RHBDD2: variants seen among roughly 807,000 people sequenced by gnomAD.
RHBDD2 encodes rhomboid domain-containing protein 2.
In RHBDD2, 13 loss-of-function variants were observed where a neutral mutation model predicts 21.7. The observed-to-expected ratio is 0.60, with a 90% CI of 0.39 to 0.95. RHBDD2 has a LOEUF of 0.95. RHBDD2 is among the 40% of genes least tolerant of loss of function. The pLI is 0.00. For synonymous variants in RHBDD2, 225 were observed against 220.0 expected (o/e 1.02, Z -0.20); for missense variants, 473 against 478.9 (o/e 0.99, Z 0.11).
At position 75,879,226 on chromosome 7, in the gene RHBDD2, C is replaced by T. The variant is rs782019601; in HGVS notation, c.144C>T (p.Leu48=). 19 of 1,522,182 alleles carry T rather than the reference C, an allele frequency of 1.2e-5. No individual in the cohort carries two copies. The East Asian group carries it at 4.9e-4, about 39-fold the overall frequency. 94.3% of individuals were successfully genotyped at this position (1,522,182 alleles called of 1,614,324 possible). The stretch of plus-strand genomic sequence containing the variant: ...AGCAGCCCCTGGCGCCCTCGGGCCT[C>T]ACGCTGAAGTCCGAGGCCCTTCGCA... ...LLQQPLAPSG[L]TLKSEALRNW... The change falls in exon 1 of 4, where the codon CTC becomes CTT. Residue 48 remains leucine, a synonymous_variant. Transcript: ENST00000006777.
At position 75,879,241 on chromosome 7, in the gene RHBDD2, G is replaced by C; in HGVS notation, c.159G>C (p.Glu53Asp). Reference protein sequence around the residue: ...LAPSGLTLKSEALRNWQVYRL... With the variant: ...LAPSGLTLKSDALRNWQVYRL... ...CCTCGGGCCTCACGCTGAAGTCCGA[G>C]GCCCTTCGCAACTGGCAAGGTGAGC... is the stretch of plus-strand genomic sequence containing the variant. The change falls in exon 1 of 4, where the codon GAG becomes GAC. Residue 53 changes from glutamate to aspartate, a missense_variant. Transcript: ENST00000006777. 4 of 1,518,214 alleles carry C rather than the reference G, an allele frequency of 2.6e-6. No homozygotes were observed. Among genetic ancestry groups the C allele is most frequent in the Non-Finnish European group, 3.5e-6 (4 of 1,132,226 alleles). The allele number at this position is 1,518,214 out of a possible 1,614,324, so 94.0% of individuals were successfully genotyped here.
chr7:75,881,576 T>C, intron 1 of RHBDD2: 1 of 1,340,888 alleles, frequency 7.5e-7, no homozygotes, highest in South Asian at 1.5e-5. Flanking sequence ...TTTTTTTCCC[T>C]CTGGAAGTCA....
intron 1 of RHBDD2, among the ~76,000 whole-genome samples, 171 bp downstream of exon 1, chr7:75,879,431 C>T (rs1554542086): frequency 6.6e-6 from 1 of 152,240 alleles, no homozygotes; most frequent in African/African-American, 2.4e-5. Context: ...AGCACCGTCT[C>T]TTGCTCTCCG....
chr7:75,884,785 G>A (rs1805556058), intron 3 of RHBDD2, among the ~76,000 whole-genome samples: 1 of 152,156 alleles, frequency 6.6e-6, no homozygotes, highest in African/African-American at 2.4e-5. Flanking sequence ...ACCTGCTGCA[G>A]GTCAGCCTGG....
chr7:75,885,546 A>T (rs1396555510), intron 3 of RHBDD2, among the ~76,000 whole-genome samples: 1 of 152,130 alleles, frequency 6.6e-6, no homozygotes, highest in East Asian at 1.9e-4. Flanking sequence ...AGGCGTGTTC[A>T]TCCATTTTGT....
chr7:75,882,629 T>C (rs896628227), intron 2 of RHBDD2, among the ~76,000 whole-genome samples: 5 of 152,146 alleles, frequency 3.3e-5, no homozygotes, highest in Non-Finnish European at 7.4e-5. Context: ...CCGAGTCATA[T>C]CTGATCATAA....
Position 75,883,864 on chromosome 7 carries a change from C to G in RHBDD2, c.737+16C>G. 6.3e-7 allele frequency: 1 copy of G among 1,576,370 alleles called. No homozygotes were observed. The highest frequency in any genetic ancestry group is 8.6e-7 in the Non-Finnish European group (1 of 1,166,582). ...AGAGCCGGAAGTAAGTGACAGAACT[C>G]TTAAGTGCTGTTAAATCTTTTTTAA... On this transcript the variant is annotated intron_variant, in intron 3 of 3. Transcript: ENST00000006777.
At chr7:75,883,117 T>C (rs1805429216) in intron 2 of RHBDD2, among the ~76,000 whole-genome samples, 1 of 152,138 alleles carries the variant, frequency 6.6e-6, no homozygotes, top group South Asian at 2.1e-4. Flanking sequence ...CTGACTGCAG[T>C]GGCTAGAAGG....
At position 75,883,833 on chromosome 7, in the gene RHBDD2, C is replaced by T; in HGVS notation, c.722C>T (p.Ala241Val). Residue 241 changes from alanine (A) to valine (V), a missense_variant, in exon 3 of 4, where the codon GCA (alanine) becomes GTA (valine). Coordinates refer to ENST00000006777, the MANE Select transcript of RHBDD2 (RefSeq NM_001040456.3). ...TCAGGGTCTTCAGCCGAGAGGAGGG[C>T]AGCCCAGAGCCGGAAGTAAGTGACA... ...YVSGSSAERRAAQSRKLNPVP... is the reference protein window; with the variant it reads ...YVSGSSAERRVAQSRKLNPVP... The T allele has an allele frequency of 6.2e-7, 1 of 1,612,536 alleles. No homozygotes were observed. Among genetic ancestry groups the T allele is most frequent in the Non-Finnish European group, 8.5e-7 (1 of 1,179,532 alleles).
rs1213237990 is a variant in RHBDD2 at position 75,882,050 on chromosome 7, G to A, written c.400G>A (p.Gly134Ser). 3.7e-6 allele frequency: 6 copies of A among 1,614,120 alleles called. No homozygotes were observed. Among genetic ancestry groups the A allele is most frequent in the Non-Finnish European group, 5.1e-6 (6 of 1,180,054 alleles). ...SKLGEVEDAR[G>S]FTPVAFAMLG... ...GCTGGGGGAAGTGGAGGATGCCAGA[G>A]GTTTCACCCCAGTGGCCTTTGCCAT... is the stretch of plus-strand genomic sequence containing the variant. The change falls in exon 2 of 4, where the codon GGT becomes AGT. Residue 134 changes from glycine (G) to serine (S), a missense_variant. Gly to Ser is a moderately conservative substitution (Grantham distance 56, BLOSUM62 0). Coordinates refer to ENST00000006777, the MANE Select transcript of RHBDD2 (RefSeq NM_001040456.3).
intron 3 of RHBDD2, among the ~76,000 whole-genome samples, chr7:75,885,240 G>A (rs1218491592): frequency 1.3e-5 from 2 of 152,184 alleles, no homozygotes; most frequent in African/African-American, 2.4e-5. Flanking sequence ...ACTCACAGAT[G>A]GAAAGTGCTG....
At chr7:75,884,215 G>GT (rs1805514053) in intron 3 of RHBDD2, among the ~76,000 whole-genome samples, 4 of 151,978 alleles carry the variant, frequency 2.6e-5, no homozygotes, top group African/African-American at 7.2e-5. Context: ...ATCTTATTCT[G>GT]TTTTTTTATT....
intron 1 of RHBDD2, among the ~76,000 whole-genome samples, chr7:75,880,939 C>G (rs553068326): frequency 6.6e-6 from 1 of 152,050 alleles, no homozygotes; most frequent in Non-Finnish European, 1.5e-5. Flanking sequence ...GTTACCTAGG[C>G]TGGTCTTGAA....
intron 3 of RHBDD2, among the ~76,000 whole-genome samples, chr7:75,885,495 C>G (rs1020349095): frequency 1.3e-5 from 2 of 152,062 alleles, no homozygotes; most frequent in Admixed American, 6.6e-5. Flanking sequence ...TTTTTTCTTT[C>G]CTTCAGTGGT....
rs781833861 is a variant in RHBDD2, at chr7:75,888,406, T to C, written c.*57T>C. 1.4e-6 allele frequency: 2 copies of C among 1,415,542 alleles called. No homozygotes were observed. The highest frequency in any genetic ancestry group is 2.3e-5 in the East Asian group (1 of 43,614). 87.7% of individuals were successfully genotyped at this position (1,415,542 alleles called of 1,614,324 possible). ...CTTCTGAAGGTCCTCCCTAAGAGTC[T>C]CCTGACAAAAGTTACTTATTGAACA... On this transcript the variant is annotated 3_prime_UTR_variant, in exon 4 of 4. Coordinates refer to ENST00000006777, the MANE Select transcript of RHBDD2 (RefSeq NM_001040456.3).
intron 3 of RHBDD2, among the ~76,000 whole-genome samples, chr7:75,885,046 G>A (rs1805574446): frequency 7.2e-6 from 1 of 138,558 alleles, no homozygotes; most frequent in African/African-American, 2.7e-5. Flanking sequence ...CCTGGGAGGT[G>A]GAGGTTGCAG....
At chr7:75,887,920 A>T (rs1012261594) in intron 3 of RHBDD2, 72 bp from the exon 4 acceptor site, 4 of 1,332,502 alleles carry the variant, frequency 3.0e-6, no homozygotes, top group Non-Finnish European at 3.2e-6. Flanking sequence ...AGCGGGGGCA[A>T]CCTCAAGCAC....
chr7:75,888,493 G>A lies in RHBDD2; in HGVS notation c.*144G>A. ...CAATGCCCCTGTTTCAGTCTCATCT[G>A]TACTCACGGCAGCCCTGTGGAGTAC... On this transcript the variant is annotated 3_prime_UTR_variant, in exon 4 of 4. Transcript: ENST00000006777. 1.4e-6 allele frequency: 1 copy of A among 691,520 alleles called. No homozygotes were observed. Among genetic ancestry groups the A allele is most frequent in the Non-Finnish European group, 2.5e-6 (1 of 406,456 alleles). The allele number at this position is 691,520 out of a possible 1,614,324, so 42.8% of individuals were successfully genotyped here.
intron 3 of RHBDD2, among the ~76,000 whole-genome samples, chr7:75,887,210 T>G (rs954282262): frequency 1.6e-4 from 23 of 145,280 alleles, no homozygotes; most frequent in Non-Finnish European, 1.5e-4. Flanking sequence ...CAGTCATAAC[T>G]CACTGCAGCC....
Sources: allele counts gnomAD v4.1 joint callset (sites outside exome capture counted in the v4.1 genomes callset), GRCh38; gene constraint gnomAD v4.1.1; transcripts MANE v1.5; gene names NCBI Gene and HGNC (gene_info 2026-07-23, HGNC 2026-07-21).